ST7L: variants seen among roughly 807,000 people sequenced by gnomAD.
ST7L encodes suppressor of tumorigenicity 7 protein-like.
In ST7L, 57 loss-of-function variants were observed where a neutral mutation model predicts 72.5. That is an observed-to-expected ratio of 0.79 (90% CI 0.64 to 0.98). The LOEUF (loss-of-function observed/expected upper bound fraction) is 0.98. ST7L is among the 50% of genes least tolerant of loss of function. The pLI is 0.00. For missense variants in ST7L, 576 were observed against 672.2 expected (o/e 0.86, Z 1.58); for synonymous variants, 221 against 240.9 (o/e 0.92, Z 0.77).
intron 11 of ST7L, among the ~76,000 whole-genome samples, chr1:112,556,966 C>CAAAAAAAAAAAAAAAAAAAAAAAAAAAA (rs60106072): frequency 2.4e-4 from 12 of 49,526 alleles, no homozygotes; most frequent in Non-Finnish European, 4.5e-4. Context: ...GACTCTGTCT[C>CAAAAAAAAAAAAAAAAAAAAAAAAAAAA]AAAAAAAAAA....
intron 2 of ST7L, among the ~76,000 whole-genome samples, chr1:112,613,061 G>A (rs1324627963): frequency 1.3e-5 from 2 of 152,060 alleles, no homozygotes; most frequent in African/African-American, 2.4e-5. Context: ...CAAGGCTGCT[G>A]TGAGCTGTGA....
At chr1:112,544,497 C>T (rs1656740464) in intron 13 of ST7L, among the ~76,000 whole-genome samples, 1 of 152,190 alleles carries the variant, frequency 6.6e-6, no homozygotes, top group African/African-American at 2.4e-5. Flanking sequence ...GCTTTCAGCA[C>T]CCAAAGAACC....
At chr1:112,543,738 G>A (rs905393113) in intron 13 of ST7L, among the ~76,000 whole-genome samples, 6 of 151,500 alleles carry the variant, frequency 4.0e-5, no homozygotes, top group Non-Finnish European at 2.9e-5. Flanking sequence ...GCATGGTGAC[G>A]TGCACCTATA....
At chr1:112,564,019 C>T (rs1258165297) in intron 11 of ST7L, among the ~76,000 whole-genome samples, 1 of 152,174 alleles carries the variant, frequency 6.6e-6, no homozygotes, top group African/African-American at 2.4e-5. Context: ...ACCAACTTAT[C>T]TCTGCAATTA....
intron 11 of ST7L, among the ~76,000 whole-genome samples, chr1:112,574,155 G>A (rs974208966): frequency 1.3e-4 from 20 of 148,636 alleles, no homozygotes; most frequent in African/African-American, 4.7e-4. Flanking sequence ...GAGCTTAGGC[G>A]ATCCACCCAC....
At chr1:112,574,537 C>T (rs1013814209) in intron 11 of ST7L, among the ~76,000 whole-genome samples, 13 of 151,140 alleles carry the variant, frequency 8.6e-5, no homozygotes, top group Non-Finnish European at 1.5e-4. Context: ...CGGGCGCCTG[C>T]AGTCTCAGCT....
At chr1:112,555,574 C>T (rs1335600818) in intron 12 of ST7L, among the ~76,000 whole-genome samples, 1 of 151,668 alleles carries the variant, frequency 6.6e-6, no homozygotes, top group African/African-American at 2.4e-5. Flanking sequence ...CAAAAAAAAA[C>T]AAAAAAAGTT....
intron 11 of ST7L, among the ~76,000 whole-genome samples, chr1:112,556,985 C>CAAAAAAAAAAAAAAAAAAAAAAAAAA (rs1196828305): frequency 3.7e-5 from 3 of 82,130 alleles, no homozygotes; most frequent in Non-Finnish European, 4.6e-5. Context: ...AAAAAAAAAA[C>CAAAAAAAAAAAAAAAAAAAAAAAAAA]AAAAAAAAAA....
chr1:112,541,767 G>C, intron 14 of ST7L, 184 bp downstream of exon 14: 1 of 1,316,280 alleles, frequency 7.6e-7, no homozygotes, highest in East Asian at 2.9e-5. Context: ...TTAAGCAACA[G>C]AAGTAGCTCA....
intron 3 of ST7L, among the ~76,000 whole-genome samples, chr1:112,602,516 A>T (rs1031663576): frequency 6.6e-6 from 1 of 152,164 alleles, no homozygotes; most frequent in African/African-American, 2.4e-5. Flanking sequence ...AAGTCATTGG[A>T]TTCTTCACTT....
At chr1:112,618,828 G>A (rs1383904824) in intron 1 of ST7L, 81 bp downstream of exon 1, 3 of 1,515,910 alleles carry the variant, frequency 2.0e-6, no homozygotes, top group East Asian at 2.5e-5. Context: ...TAGGACTACC[G>A]AGAATCTCTT....
chr1:112,559,353 C>G (rs1659712290), intron 11 of ST7L, among the ~76,000 whole-genome samples: 1 of 152,060 alleles, frequency 6.6e-6, no homozygotes, highest in Non-Finnish European at 1.5e-5. Flanking sequence ...CCTGCCTCAG[C>G]CTCCCGAGTA....
chr1:112,577,405 G>A (rs564805880), intron 10 of ST7L, among the ~76,000 whole-genome samples: 37 of 151,366 alleles, frequency 2.4e-4, no homozygotes, highest in Non-Finnish European at 4.7e-4. Context: ...GTGTGTGCCT[G>A]TAGTCCCAGG....
intron 2 of ST7L, among the ~76,000 whole-genome samples, chr1:112,614,950 A>T (rs953373929): frequency 7.9e-5 from 12 of 152,272 alleles, no homozygotes; most frequent in African/African-American, 2.4e-4. Context: ...TATTTTTTTT[A>T]AATTAAAAAT....
At chr1:112,615,479 T>C (rs1049571705) in intron 2 of ST7L, among the ~76,000 whole-genome samples, 1 of 152,172 alleles carries the variant, frequency 6.6e-6, no homozygotes, top group Non-Finnish European at 1.5e-5. Flanking sequence ...GTTGAATTCA[T>C]GACACATAAA....
chr1:112,581,927 C>T (rs1664185820), intron 9 of ST7L, 65 bp downstream of exon 9: 2 of 1,118,162 alleles, frequency 1.8e-6, no homozygotes, highest in African/African-American at 1.6e-5. Context: ...TAGAATATAA[C>T]CACATTTATA....
intron 7 of ST7L, among the ~76,000 whole-genome samples, 184 bp from the exon 8 acceptor site, chr1:112,582,656 T>C (rs565623456): frequency 3.3e-5 from 5 of 152,270 alleles, no homozygotes; most frequent in South Asian, 2.1e-4. Flanking sequence ...AGGAGTGTTC[T>C]CTATTTTTGC....
intron 9 of ST7L, among the ~76,000 whole-genome samples, chr1:112,580,950 AATAT>A (rs959578152): frequency 5.3e-5 from 8 of 152,142 alleles, no homozygotes; most frequent in African/African-American, 1.7e-4. Context: ...AAAAATAACC[AATAT>A]ATATTGAATT....
intron 2 of ST7L, 54 bp from the exon 3 acceptor site, chr1:112,611,057 C>A: frequency 6.4e-7 from 1 of 1,560,232 alleles, no homozygotes; most frequent in Non-Finnish European, 8.7e-7. Flanking sequence ...GATACATGAG[C>A]TCAAATTAAA....
Sources: allele counts gnomAD v4.1 joint callset (sites outside exome capture counted in the v4.1 genomes callset), GRCh38; gene constraint gnomAD v4.1.1; transcripts MANE v1.5; gene names NCBI Gene and HGNC (gene_info 2026-07-23, HGNC 2026-07-21).